ECH1: variants seen among roughly 807,000 people sequenced by gnomAD.
ECH1 encodes delta(3,5)-Delta(2,4)-dienoyl-CoA isomerase, mitochondrial.
ECH1 carries 30 observed loss-of-function variants against 37.0 expected under a neutral mutation model. The observed-to-expected ratio is 0.81, with a 90% CI of 0.61 to 1.10. The LOEUF is 1.10. Among genes scored for constraint, ECH1 ranks in the 50% least tolerant of loss-of-function variants. The pLI, the probability that ECH1 is intolerant of heterozygous loss-of-function variation, is 0.00. For synonymous variants in ECH1, 178 were observed against 176.0 expected (o/e 1.01, Z -0.09); for missense variants, 456 against 441.6 (o/e 1.03, Z -0.29).
rs914350523 is a variant in ECH1, at chr19:38,818,436, C to A, written c.350-861G>T. 4 of 977,170 alleles carry A rather than the reference C, an allele frequency of 4.1e-6. No homozygotes were observed. In the African/African-American group the frequency reaches 7.0e-5, roughly 17 times the overall value. The allele number at this position is 977,170 out of a possible 1,614,324, so 60.5% of individuals were successfully genotyped here. A position where few individuals can be genotyped will look rare whatever the true frequency, so the allele number is the denominator to read the frequency against. The stretch of plus-strand genomic sequence containing the variant: ...GTGTCCCCAGTCTATTCCCTACAGG[C>A]AGCCAGGGGAAGCCAGTGGACACCT... On this transcript the variant is annotated intron_variant, in intron 3 of 9. Coordinates refer to ENST00000221418, the MANE Select transcript of ECH1 (RefSeq NM_001398.3).
rs1168841570 is a variant in ECH1 at position 38,815,881 on chromosome 19, C to T, written c.858G>A (p.Ser286=). The change falls in exon 9 of 10, where the codon TCG becomes TCA. Residue 286 remains serine (S), a synonymous_variant. Coordinates refer to ENST00000221418, the MANE Select transcript of ECH1 (RefSeq NM_001398.3). ...KVNLLYSRDH[S]VAESLNYVAS... Reference sequence around the variant, plus strand: ...CCACGTAGTTGAGGCTCTCGGCCACCGAATGGTCGCGGGAATACAGCAGGT... The same window carrying T: ...CCACGTAGTTGAGGCTCTCGGCCACTGAATGGTCGCGGGAATACAGCAGGT... 6.2e-7 allele frequency: 1 copy of T among 1,614,168 alleles called. No individual in the cohort carries two copies. The highest frequency in any genetic ancestry group is 1.1e-5 in the South Asian group (1 of 91,080).
intron 5 of ECH1, 27 bp downstream of exon 5, chr19:38,817,289 C>T (rs540355777): frequency 2.5e-5 from 38 of 1,534,080 alleles, no homozygotes; most frequent in South Asian, 8.6e-5. Flanking sequence ...GGGGAGCACC[C>T]GAGCAGGAGG....
At position 38,831,095 on chromosome 19, in the gene ECH1, C is replaced by T. The variant is rs990236713; in HGVS notation, c.332G>A (p.Gly111Glu). ...DCRAVVISGA[G>E]KMFTAGIDLM... is the part of the protein sequence containing the mutation. ...TCTGGTACCTGCAGTGAACATTTTTCCTGCACCAGAGATCACCACCGCCCG... is the reference window on the plus strand; with the variant it reads ...TCTGGTACCTGCAGTGAACATTTTTTCTGCACCAGAGATCACCACCGCCCG... Residue 111 changes from glycine to glutamate, a missense_variant, in exon 3 of 10, where the codon GGA becomes GAA. Physicochemically the swap from Gly to Glu is moderately conservative, Grantham distance 98. Coordinates refer to ENST00000221418, the MANE Select transcript of ECH1 (RefSeq NM_001398.3). The T allele has an allele frequency of 4.3e-6, 7 of 1,613,774 alleles. No individual in the cohort carries two copies. The Admixed American group carries it at 1.0e-4, about 23-fold the overall frequency.
At chr19:38,828,856 C>T (rs1971775750) in intron 3 of ECH1, among the ~76,000 whole-genome samples, 1 of 150,240 alleles carries the variant, frequency 6.7e-6, no homozygotes, top group Non-Finnish European at 1.5e-5. Context: ...CTCCTGACCT[C>T]GTGATCCGCC....
intron 3 of ECH1, among the ~76,000 whole-genome samples, chr19:38,823,892 A>G (rs1419590945): frequency 6.6e-6 from 1 of 152,188 alleles, no homozygotes; most frequent in Non-Finnish European, 1.5e-5. Context: ...TCCTATAAGA[A>G]CGACTTCTAG....
chr19:38,818,688 A>T (rs1406650211), intron 3 of ECH1, among the ~76,000 whole-genome samples: 1 of 151,946 alleles, frequency 6.6e-6, no homozygotes, highest in Non-Finnish European at 1.5e-5. Context: ...GGGTTTTGCC[A>T]TGTTGGCCAG....
chr19:38,818,989 G>GTA (rs1971622062), intron 3 of ECH1: 1 of 322,968 alleles, frequency 3.1e-6, no homozygotes, highest in African/African-American at 2.4e-5. Flanking sequence ...GTGTGTGTGT[G>GTA]TGTGTGTGTG....
intron 3 of ECH1, 177 bp downstream of exon 3, chr19:38,830,901 A>T (rs1971809143): frequency 1.6e-6 from 1 of 607,500 alleles, no homozygotes; most frequent in African/African-American, 1.9e-5. Flanking sequence ...GGTTGCAGTG[A>T]GCTGAGATTG....
Position 38,815,694 on chromosome 19 carries a change from C to A in ECH1, c.906G>T (p.Leu302=). The A allele has an allele frequency of 6.2e-7, 1 of 1,614,170 alleles. No homozygotes were observed. The highest frequency in any genetic ancestry group is 8.5e-7 in the Non-Finnish European group (1 of 1,180,028). ...CCGACTTCACGAGGTCTTGGGTCTG[C>A]AGCATGCTCATGTTCCAGGACGCCT... is the stretch of plus-strand genomic sequence containing the variant. ...NYVASWNMSM[L]QTQDLVKSVQ... The change falls in exon 10 of 10, where the codon CTG becomes CTT. Residue 302 remains leucine (L), a synonymous_variant. Coordinates refer to ENST00000221418, the MANE Select transcript of ECH1 (RefSeq NM_001398.3).
rs749124991 is a variant in ECH1 at position 38,831,309 on chromosome 19, C to A, written c.260G>T (p.Arg87Ile). 3.7e-6 allele frequency: 6 copies of A among 1,609,470 alleles called. No individual in the cohort carries two copies. Among genetic ancestry groups the A allele is most frequent in the Non-Finnish European group, 4.2e-6 (5 of 1,176,728 alleles). ...GGCCTCCAGGATCTGCAGGTCAGAC[C>A]TCCAGAAGACCTTGTTCATGGCATT... ...KRNAMNKVFWREMVECFNKIS... is the reference protein window; with the variant it reads ...KRNAMNKVFWIEMVECFNKIS... Residue 87 changes from arginine to isoleucine, a missense_variant and splice_region_variant, in exon 2 of 10, where the codon AGA becomes ATA. By Grantham distance (97) the Arg-to-Ile change is moderately conservative. Transcript: ENST00000221418.
chr19:38,815,972 G>A lies in ECH1; in HGVS notation c.767C>T (p.Ala256Val). Residue 256 changes from alanine (A) to valine (V), a missense_variant, in exon 9 of 10, where the codon GCT becomes GTT. Physicochemically the swap from Ala to Val is moderately conservative, Grantham distance 64. Coordinates refer to ENST00000221418, the MANE Select transcript of ECH1 (RefSeq NM_001398.3). Reference protein sequence around the residue: ...VFPDKEVMLDAALALAAEISS... With the variant: ...VFPDKEVMLDVALALAAEISS... ...AATCTCGGCCGCCAGCGCTAAGGCA[G>A]CATCCAGCATGACCTCTTTGTCTGG... 6.2e-7 allele frequency: 1 copy of A among 1,613,984 alleles called. No individual in the cohort carries two copies.
intron 3 of ECH1, chr19:38,819,141 A>T (rs1971625779): frequency 1.0e-6 from 1 of 985,264 alleles, no homozygotes; most frequent in South Asian, 4.7e-5. Context: ...AAATGGCAGG[A>T]CAGAGAGGTG....
rs1442491004 is a variant in ECH1, at chr19:38,815,520, G to A, written c.*93C>T. On this transcript the variant is annotated 3_prime_UTR_variant, in exon 10 of 10. Coordinates refer to ENST00000221418, the MANE Select transcript of ECH1 (RefSeq NM_001398.3). ...ATAAACTGGGAAACTGGGTCAGAAG[G>A]CATAGAAACAACTGTCATCGCCCAT... 3.1e-5 allele frequency: 37 copies of A among 1,201,620 alleles called. No individual in the cohort carries two copies. The highest frequency in any genetic ancestry group is 4.0e-5 in the Non-Finnish European group (33 of 819,304). The allele number at this position is 1,201,620 out of a possible 1,614,324, so 74.4% of individuals were successfully genotyped here.
chr19:38,828,293 G>A (rs768628084), intron 3 of ECH1, among the ~76,000 whole-genome samples: 10 of 152,248 alleles, frequency 6.6e-5, no homozygotes, highest in African/African-American at 1.2e-4. Context: ...GTGCAATGGC[G>A]TGATGTAGGC....
chr19:38,821,861 C>G (rs1328312780), intron 3 of ECH1, among the ~76,000 whole-genome samples: 1 of 152,252 alleles, frequency 6.6e-6, no homozygotes, highest in Non-Finnish European at 1.5e-5. Flanking sequence ...CCATCAACTG[C>G]CCAAGGGCTG....
At chr19:38,829,715 C>T (rs188695892) in intron 3 of ECH1, among the ~76,000 whole-genome samples, 1 of 149,628 alleles carries the variant, frequency 6.7e-6, no homozygotes, top group African/African-American at 2.5e-5. Flanking sequence ...ACTCGGGAGG[C>T]TGAGGCAGAA....
Position 38,820,123 on chromosome 19 carries a change from C to T in ECH1, c.350-2548G>A, listed in dbSNP as rs1013432884. 12 of 320,974 alleles carry T rather than the reference C, an allele frequency of 3.7e-5. No homozygotes were observed. In the East Asian group the frequency reaches 6.1e-4, roughly 16 times the overall value. The allele number at this position is 320,974 out of a possible 1,614,324, so 19.9% of individuals were successfully genotyped here. A position where few individuals can be genotyped will look rare whatever the true frequency, so the allele number is the denominator to read the frequency against. ...TCGCCCAGGCTGGCGTGTAGTGGCGCGATCTCGGCTCACTGCAAGCTCCGC... is the reference window on the plus strand; with the variant it reads ...TCGCCCAGGCTGGCGTGTAGTGGCGTGATCTCGGCTCACTGCAAGCTCCGC... On this transcript the variant is annotated intron_variant, in intron 3 of 9. Coordinates refer to ENST00000221418, the MANE Select transcript of ECH1 (RefSeq NM_001398.3).
chr19:38,828,392 G>A (rs371698259), intron 3 of ECH1, among the ~76,000 whole-genome samples: 39 of 151,170 alleles, frequency 2.6e-4, no homozygotes, highest in East Asian at 1.8e-3. Flanking sequence ...CCACCACGCC[G>A]GGAAAATTTT....
In ECH1 at chr19:38,831,384, G is replaced by C; in HGVS notation, c.185C>G (p.Ser62Cys). The change falls in exon 2 of 10, where the codon TCT becomes TGT. Residue 62 changes from serine to cysteine, a missense_variant. Ser to Cys is a moderately radical substitution (Grantham distance 112). Transcript: ENST00000221418. ...DHSYESLRVT[S>C]AQKHVLHVQL... ...GACATGCAGAACATGTTTCTGCGCA[G>C]ACGTCACACGAAGGGACTCATAGCT... is the stretch of plus-strand genomic sequence containing the variant. 1 of 1,614,058 alleles carries C rather than the reference G, an allele frequency of 6.2e-7. No homozygotes were observed. Among genetic ancestry groups the C allele is most frequent in the South Asian group, 1.1e-5 (1 of 91,082 alleles).
Sources: gnomAD v4.1 joint callset for allele counts (sites outside exome capture counted in the v4.1 genomes callset) on GRCh38, gnomAD v4.1.1 for gene constraint, MANE v1.5 for transcripts, NCBI Gene and HGNC (gene_info 2026-07-23, HGNC 2026-07-21) for gene names.